DLG2: variants seen among roughly 807,000 people sequenced by gnomAD.
The protein encoded by DLG2 is disks large homolog 2.
In DLG2, 45 loss-of-function variants were observed where a neutral mutation model predicts 132.5. The observed-to-expected ratio is 0.34, with a 90% CI of 0.27 to 0.44. DLG2 has a LOEUF of 0.44. DLG2 is among the 20% of genes least tolerant of loss of function. The probability of loss-of-function intolerance (pLI) is 1.00; values close to 1 mark genes in which losing one functional copy is unlikely to be tolerated. For missense variants in DLG2, 1,045 were observed against 1,196.9 expected (o/e 0.87, Z 1.87); for synonymous variants, 424 against 419.6 (o/e 1.01, Z -0.13).
intron 7 of DLG2, among the ~76,000 whole-genome samples, chr11:84,452,463 C>T (rs1037838048): frequency 6.6e-6 from 1 of 151,676 alleles, no homozygotes; most frequent in Non-Finnish European, 1.5e-5. Context: ...AAAATTTTGA[C>T]TCTAGGGGAT....
chr11:85,321,191 C>T (rs565435535), intron 3 of DLG2, among the ~76,000 whole-genome samples: 1 of 151,848 alleles, frequency 6.6e-6, no homozygotes, highest in East Asian at 1.9e-4. Context: ...CTATAGACTA[C>T]ATGAAGGCTA....
intron 3 of DLG2, among the ~76,000 whole-genome samples, chr11:85,414,786 G>A (rs182841757): frequency 9.2e-5 from 14 of 151,934 alleles, no homozygotes; most frequent in Middle Eastern, 6.8e-3. Flanking sequence ...TCCAGTGTTA[G>A]GTGCATATAT....
chr11:84,698,865 C>G (rs1395800546), intron 6 of DLG2, among the ~76,000 whole-genome samples: 2 of 151,496 alleles, frequency 1.3e-5, no homozygotes, highest in Non-Finnish European at 3.0e-5. Flanking sequence ...TCTGAAAATA[C>G]ATTGTTATTC....
At chr11:84,502,749 T>C (rs1254686332) in intron 7 of DLG2, among the ~76,000 whole-genome samples, 2 of 152,096 alleles carry the variant, frequency 1.3e-5, no homozygotes, top group Non-Finnish European at 2.9e-5. Flanking sequence ...GTTTACTTAT[T>C]TCACTATGTA....
intron 7 of DLG2, among the ~76,000 whole-genome samples, chr11:84,530,293 G>T (rs917913810): frequency 6.6e-6 from 1 of 152,022 alleles, no homozygotes; most frequent in African/African-American, 2.4e-5. Context: ...TTTGACAAAC[G>T]GGACCTAATT....
intron 6 of DLG2, among the ~76,000 whole-genome samples, chr11:84,852,176 T>C (rs141979680): frequency 6.6e-4 from 101 of 152,134 alleles, no homozygotes; most frequent in Non-Finnish European, 1.1e-3. Flanking sequence ...ATCTCCTCCA[T>C]AGCAATCAGA....
intron 6 of DLG2, among the ~76,000 whole-genome samples, chr11:85,015,883 T>C (rs1048437619): frequency 1.3e-5 from 2 of 152,098 alleles, no homozygotes; most frequent in Admixed American, 1.3e-4. Flanking sequence ...CTCATAGAAA[T>C]TACAGAATGG....
chr11:85,376,077 T>A (rs1483528721), intron 3 of DLG2, among the ~76,000 whole-genome samples: 1 of 152,162 alleles, frequency 6.6e-6, no homozygotes, highest in Non-Finnish European at 1.5e-5. Context: ...ATAGAGCACA[T>A]ACTCAAGGCA....
intron 6 of DLG2, among the ~76,000 whole-genome samples, chr11:84,712,521 A>G (rs546547239): frequency 2.6e-4 from 40 of 152,154 alleles, no homozygotes; most frequent in African/African-American, 8.9e-4. Context: ...TTGTAGCATT[A>G]GAAGCCTTCA....
intron 3 of DLG2, among the ~76,000 whole-genome samples, chr11:85,416,492 G>C (rs1487955222): frequency 2.0e-5 from 3 of 152,170 alleles, no homozygotes; most frequent in Non-Finnish European, 2.9e-5. Context: ...GTCATTGGTA[G>C]CTTGATGGGG....
At chr11:85,392,816 A>G (rs2086919358) in intron 3 of DLG2, among the ~76,000 whole-genome samples, 1 of 152,190 alleles carries the variant, frequency 6.6e-6, no homozygotes, top group African/African-American at 2.4e-5. Flanking sequence ...ACCTTACACA[A>G]AAATCAACTC....
intron 7 of DLG2, among the ~76,000 whole-genome samples, chr11:84,395,296 T>A (rs1383760367): frequency 6.6e-6 from 1 of 152,218 alleles, no homozygotes; most frequent in African/African-American, 2.4e-5. Flanking sequence ...CAATATGAAG[T>A]CTTTGTGGGT....
chr11:85,613,386 C>T (rs902199225), intron 2 of DLG2, among the ~76,000 whole-genome samples: 1 of 152,178 alleles, frequency 6.6e-6, no homozygotes. Context: ...CCTTCTTCAC[C>T]CCATCCAGCA....
At chr11:85,304,582 A>C (rs2079817860) in intron 3 of DLG2, among the ~76,000 whole-genome samples, 1 of 152,194 alleles carries the variant, frequency 6.6e-6, no homozygotes, top group Admixed American at 6.5e-5. Context: ...GCTCAAACTA[A>C]GTACTCATTA....
At chr11:84,583,618 C>G (rs1211977059) in intron 6 of DLG2, among the ~76,000 whole-genome samples, 3 of 152,104 alleles carry the variant, frequency 2.0e-5, no homozygotes, top group Non-Finnish European at 2.9e-5. Flanking sequence ...ACTTTAAAAC[C>G]TGAATGATAA....
intron 6 of DLG2, chr11:85,021,293 C>G (rs909965666): frequency 8.7e-6 from 11 of 1,264,114 alleles, no homozygotes; most frequent in Admixed American, 1.7e-5. Flanking sequence ...TACATCCTAT[C>G]ATAATAATCC....
At chr11:84,905,328 A>G (rs749032559) in intron 6 of DLG2, among the ~76,000 whole-genome samples, 4 of 152,198 alleles carry the variant, frequency 2.6e-5, no homozygotes, top group Non-Finnish European at 5.9e-5. Flanking sequence ...AACTCAAAGA[A>G]TTTTGTAAAA....
intron 7 of DLG2, among the ~76,000 whole-genome samples, chr11:84,332,928 A>G (rs887053431): frequency 2.6e-5 from 4 of 152,156 alleles, no homozygotes; most frequent in Non-Finnish European, 5.9e-5. Context: ...GGAGTATTCA[A>G]TAAGTCTCAA....
At chr11:84,437,259 A>T (rs189839154) in intron 7 of DLG2, 8 of 152,236 alleles carry the variant, frequency 5.3e-5, no homozygotes, top group Admixed American at 5.2e-4. Flanking sequence ...AGTGGCAAGG[A>T]CCACATTCAC....
Sources: allele counts gnomAD v4.1 joint callset (sites outside exome capture counted in the v4.1 genomes callset), GRCh38; gene constraint gnomAD v4.1.1; transcripts MANE v1.5; gene names NCBI Gene and HGNC (gene_info 2026-07-23, HGNC 2026-07-21).